ARHGAP1: variants seen among roughly 807,000 people sequenced by gnomAD.
ARHGAP1 encodes the protein Rho GTPase activating protein 1.
Under a neutral mutation model 52.2 loss-of-function variants are expected in ARHGAP1, and 23 were observed. That is an observed-to-expected ratio of 0.44 (90% CI 0.32 to 0.62). ARHGAP1 has a LOEUF of 0.62. Ranked by LOEUF, ARHGAP1 falls within the 20% of genes least tolerant of loss-of-function variation. ARHGAP1 has a pLI of 0.05. For synonymous variants in ARHGAP1, 210 were observed against 228.4 expected (o/e 0.92, Z 0.73); for missense variants, 480 against 560.9 (o/e 0.86, Z 1.46).
intron 3 of ARHGAP1, among the ~76,000 whole-genome samples, chr11:46,693,019 A>G (rs1565689543): frequency 6.6e-6 from 1 of 151,874 alleles, no homozygotes; most frequent in Non-Finnish European, 1.5e-5. Flanking sequence ...CGCCCAGAAA[A>G]TTTTTTGTAT....
At position 46,680,606 on chromosome 11, in the gene ARHGAP1, G is replaced by A. The variant is rs753159787; in HGVS notation, c.743+34C>T. ...GTGAGCCGGGCCTGCAGCCCTTCCCGCCCCGCCGTGGCCCAGCCACCTTTC... is the reference window on the plus strand; with the variant it reads ...GTGAGCCGGGCCTGCAGCCCTTCCCACCCCGCCGTGGCCCAGCCACCTTTC... On this transcript the variant is annotated intron_variant, in intron 8 of 12. Transcript: ENST00000311956. The surrounding 1 kb of genome is among the most constrained non-coding windows in gnomAD (Gnocchi z 5.9). 14 of 1,613,296 alleles carry A rather than the reference G, an allele frequency of 8.7e-6. No homozygotes were observed. The highest frequency in any genetic ancestry group is 4.4e-5 in the South Asian group (4 of 91,072).
In ARHGAP1 at chr11:46,696,226, G is replaced by A; in HGVS notation, c.-49-70C>T. 1 of 1,074,644 alleles carries A rather than the reference G, an allele frequency of 9.3e-7. No individual in the cohort carries two copies. The highest frequency in any genetic ancestry group is 1.6e-5 in the South Asian group (1 of 62,948). The allele number at this position is 1,074,644 out of a possible 1,614,324, so 66.6% of individuals were successfully genotyped here. A position where few individuals can be genotyped will look rare whatever the true frequency, so the allele number is the denominator to read the frequency against. ...TCACCTTCTGCGACCTCCACCGCGT[G>A]CCCTCCTGCCCCCACCATTCCCTCT... On this transcript the variant is annotated intron_variant, in intron 1 of 12. Transcript: ENST00000311956. This position sits in a 1 kb window ranked among gnomAD's most constrained non-coding sequence, Gnocchi z 4.8.
chr11:46,682,787 G>T (rs541001911), intron 4 of ARHGAP1, among the ~76,000 whole-genome samples: 16 of 152,316 alleles, frequency 1.1e-4, no homozygotes, highest in South Asian at 6.2e-4. Flanking sequence ...GTGAAAAGGG[G>T]AATGACGTTT....
In ARHGAP1 at chr11:46,682,076, C is replaced by G. The variant is rs1446589118; in HGVS notation, c.424G>C (p.Asp142His). 1 of 1,614,188 alleles carries G rather than the reference C, an allele frequency of 6.2e-7. No individual in the cohort carries two copies. The highest frequency in any genetic ancestry group is 8.5e-7 in the Non-Finnish European group (1 of 1,180,016). ...TTGCGGTCAAACTCCCGGTAGGCAT[C>G]ACGGAGCCAGCTGAGGGAGGGCTTG... Reference protein sequence around the residue: ...DNKPSLSWLRDAYREFDRKYK... With the variant: ...DNKPSLSWLRHAYREFDRKYK... Residue 142 changes from aspartate to histidine, a missense_variant, in exon 5 of 13, where the codon GAT becomes CAT. Physicochemically the swap from Asp to His is moderately conservative, Grantham distance 81 (BLOSUM62 -1). Coordinates refer to ENST00000311956, the MANE Select transcript of ARHGAP1 (RefSeq NM_004308.5).
chr11:46,680,902 A>T lies in ARHGAP1; in HGVS notation c.635+109T>A. On this transcript the variant is annotated intron_variant, in intron 7 of 12. Transcript: ENST00000311956. The surrounding 1 kb of genome is among the most constrained non-coding windows in gnomAD (Gnocchi z 5.9). ...ACAGCAGAAAGCAAAGACCTGGGAGAGGTCGGGACACGGGCTTGCTCTGCC... is the reference window on the plus strand; with the variant it reads ...ACAGCAGAAAGCAAAGACCTGGGAGTGGTCGGGACACGGGCTTGCTCTGCC... The T allele has an allele frequency of 8.8e-7, 1 of 1,137,462 alleles. No homozygotes were observed. 70.5% of individuals were successfully genotyped at this position (1,137,462 alleles called of 1,614,324 possible).
chr11:46,679,390 C>T lies in ARHGAP1; in HGVS notation c.1106G>A (p.Arg369His), dbSNP rs147210555. The T allele has an allele frequency of 1.3e-4, 203 of 1,614,164 alleles. No homozygotes were observed. In the African/African-American group the frequency reaches 2.2e-3, roughly 17 times the overall value. Residue 369 changes from arginine (R) to histidine (H), a missense_variant, in exon 12 of 13, where the codon CGT becomes CAT. Physicochemically the swap from Arg to His is conservative, Grantham distance 29. Coordinates refer to ENST00000311956, the MANE Select transcript of ARHGAP1 (RefSeq NM_004308.5). This position sits in a 1 kb window ranked among gnomAD's most constrained non-coding sequence, Gnocchi z 4.4. ...TLPEENYQVL[R>H]FLTAFLVQIS... is the part of the protein sequence containing the mutation. ...CTGCACCAGGAAAGCAGTCAGGAAA[C>T]GAAGCACCTGGTAGTTCTCCTCGGG...
Position 46,680,096 on chromosome 11 carries a change from C to A in ARHGAP1, c.898+109G>T. 7.4e-7 allele frequency: 1 copy of A among 1,350,654 alleles called. No individual in the cohort carries two copies. The highest frequency in any genetic ancestry group is 1.2e-5 in the South Asian group (1 of 84,874). 83.7% of individuals were successfully genotyped at this position (1,350,654 alleles called of 1,614,324 possible). ...TATGTGACACCCAGAGCCACGGAAA[C>A]CTCCAGCAGGAAGAGACTCTGAGAC... is the stretch of plus-strand genomic sequence containing the variant. On this transcript the variant is annotated intron_variant, in intron 10 of 12. Coordinates refer to ENST00000311956, the MANE Select transcript of ARHGAP1 (RefSeq NM_004308.5). The surrounding 1 kb of genome is among the most constrained non-coding windows in gnomAD (Gnocchi z 5.9).
At chr11:46,682,236 GA>G (rs1394478314) in intron 4 of ARHGAP1, 54 bp from the exon 5 acceptor site, 11 of 1,601,288 alleles carry the variant, frequency 6.9e-6, no homozygotes, top group Middle Eastern at 1.7e-4. Context: ...GCGGCCCCAC[GA>G]AGACAGAAAG....
intron 1 of ARHGAP1, among the ~76,000 whole-genome samples, chr11:46,697,780 A>C (rs768823647): frequency 3.9e-5 from 6 of 152,162 alleles, no homozygotes; most frequent in Non-Finnish European, 7.4e-5. Context: ...GAACACAGAG[A>C]AGAATGATCC....
intron 3 of ARHGAP1, among the ~76,000 whole-genome samples, chr11:46,689,106 C>A (rs2064592915): frequency 6.6e-6 from 1 of 151,040 alleles, no homozygotes; most frequent in Non-Finnish European, 1.5e-5. Flanking sequence ...AAAAGTTATG[C>A]CTGGTGCAGA....
At chr11:46,686,662 T>G in intron 4 of ARHGAP1, 1 of 150,306 alleles carries the variant, frequency 6.7e-6, no homozygotes, top group Non-Finnish European at 1.5e-5. Flanking sequence ...CTCATGATCC[T>G]CCCGCCTCGA....
chr11:46,695,520 G>A lies in ARHGAP1; in HGVS notation c.229+140C>T, dbSNP rs1043341390. On this transcript the variant is annotated intron_variant, in intron 3 of 12. Coordinates refer to ENST00000311956, the MANE Select transcript of ARHGAP1 (RefSeq NM_004308.5). ...GGGCTTTCTGACTTCAAAGCCACTA[G>A]GCCACATGGCTCCCCACATGCCAGG... The A allele has an allele frequency of 1.0e-5, 9 of 892,276 alleles. No homozygotes were observed. In the Admixed American group the frequency reaches 1.6e-4, roughly 16 times the overall value. The allele number at this position is 892,276 out of a possible 1,614,324, so 55.3% of individuals were successfully genotyped here. A position where few individuals can be genotyped will look rare whatever the true frequency, so the allele number is the denominator to read the frequency against.
At chr11:46,691,561 C>G (rs2064615714) in intron 3 of ARHGAP1, among the ~76,000 whole-genome samples, 1 of 151,772 alleles carries the variant, frequency 6.6e-6, no homozygotes, top group South Asian at 2.1e-4. Flanking sequence ...AAGTGATTCT[C>G]CTGCCCCAGC....
At chr11:46,698,573 A>G (rs996836068) in intron 1 of ARHGAP1, among the ~76,000 whole-genome samples, 1 of 148,662 alleles carries the variant, frequency 6.7e-6, no homozygotes, top group Admixed American at 6.8e-5. Flanking sequence ...AAGCTACTTC[A>G]CTCCAGCCTG....
chr11:46,699,414 G>A (rs1235666301), intron 1 of ARHGAP1, among the ~76,000 whole-genome samples: 1 of 152,132 alleles, frequency 6.6e-6, no homozygotes, highest in Non-Finnish European at 1.5e-5. Flanking sequence ...AGTGAGGAAA[G>A]AGAGGACCAG....
At chr11:46,691,539 C>T (rs1592390473) in intron 3 of ARHGAP1, among the ~76,000 whole-genome samples, 1 of 150,726 alleles carries the variant, frequency 6.6e-6, no homozygotes, top group African/African-American at 2.4e-5. Flanking sequence ...GCAACCTTTG[C>T]GTCCCGGGTT....
rs746554111 is a variant in ARHGAP1 at position 46,679,026 on chromosome 11, A to G, written c.*11T>C. Reference sequence around the variant, plus strand: ...CTACCAGAGAAGGGGCTGGTGGGGCAGGGGCCAGGTTCAGAGCCCGCTGGG... The same window carrying G: ...CTACCAGAGAAGGGGCTGGTGGGGCGGGGGCCAGGTTCAGAGCCCGCTGGG... On this transcript the variant is annotated 3_prime_UTR_variant, in exon 13 of 13. Transcript: ENST00000311956. This position sits in a 1 kb window ranked among gnomAD's most constrained non-coding sequence, Gnocchi z 4.4. The G allele has an allele frequency of 6.2e-7, 1 of 1,613,742 alleles. No homozygotes were observed.
rs1320614708 is a variant in ARHGAP1, at chr11:46,678,815, C to T, written c.*222G>A. 1.2e-5 allele frequency: 7 copies of T among 572,954 alleles called. No individual in the cohort carries two copies. The highest frequency in any genetic ancestry group is 3.8e-5 in the African/African-American group (2 of 52,528). The allele number at this position is 572,954 out of a possible 1,614,324, so 35.5% of individuals were successfully genotyped here. A position where few individuals can be genotyped will look rare whatever the true frequency, so the allele number is the denominator to read the frequency against. On this transcript the variant is annotated 3_prime_UTR_variant, in exon 13 of 13. Coordinates refer to ENST00000311956, the MANE Select transcript of ARHGAP1 (RefSeq NM_004308.5). ...AGCTCTGGAGAGCCCAGCAAAAGCC[C>T]GGTGTCCAGAGAGGCAGTGAGAAGT... is the stretch of plus-strand genomic sequence containing the variant.
At chr11:46,698,432 T>G (rs1234014755) in intron 1 of ARHGAP1, among the ~76,000 whole-genome samples, 1 of 150,976 alleles carries the variant, frequency 6.6e-6, no homozygotes, top group Non-Finnish European at 1.5e-5. Context: ...TGAAACCCCA[T>G]CTCTACTAAA....
Sources: allele counts gnomAD v4.1 joint callset (sites outside exome capture counted in the v4.1 genomes callset), GRCh38; gene constraint gnomAD v4.1.1; non-coding constraint Gnocchi (gnomAD v3.1); transcripts MANE v1.5; gene names NCBI Gene and HGNC (gene_info 2026-07-23, HGNC 2026-07-21).